SYT6: variants seen among roughly 807,000 people sequenced by gnomAD.
SYT6 encodes the protein synaptotagmin-6.
Under a neutral mutation model 38.4 loss-of-function variants are expected in SYT6, and 24 were observed. That is an observed-to-expected ratio of 0.62 (90% CI 0.45 to 0.88). SYT6 has a LOEUF of 0.88. Among genes scored for constraint, SYT6 ranks in the 40% least tolerant of loss-of-function variants. The pLI is 0.00. For synonymous variants in SYT6, 265 were observed against 241.9 expected (o/e 1.10, Z -0.89); for missense variants, 611 against 621.0 (o/e 0.98, Z 0.17).
chr1:114,104,722 C>G (rs1010783843), intron 3 of SYT6, among the ~76,000 whole-genome samples: 3 of 152,140 alleles, frequency 2.0e-5, no homozygotes, highest in African/African-American at 7.2e-5. Context: ...TATTGAGCAC[C>G]TGTTATGTGC....
intron 5 of SYT6, 108 bp downstream of exon 5, chr1:114,098,986 A>G: frequency 8.6e-7 from 1 of 1,161,032 alleles, no homozygotes; most frequent in Non-Finnish European, 1.2e-6. Context: ...TGAGGCCTGA[A>G]CCCTAAAGCT....
intron 3 of SYT6, among the ~76,000 whole-genome samples, chr1:114,122,312 C>G (rs543901515): frequency 1.3e-5 from 2 of 152,152 alleles, no homozygotes; most frequent in African/African-American, 4.8e-5. Flanking sequence ...AAGGTCTCCT[C>G]GAAATTCTTT....
rs151006142 is a variant in SYT6, at chr1:114,150,567, G to A, written c.163+3043C>T. Among the ~76,000 whole-genome samples the A allele has an allele frequency of 3.8e-4, 58 of 152,302 alleles. 1 individual carries two copies. In the East Asian group the frequency reaches 5.4e-3, roughly 14 times the overall value. ...CAGGGAAGCTTGAGGTCTCCTGTCA[G>A]GTTTCTGCATTTGCTGGAGCACTTC... On this transcript the variant is annotated intron_variant, in intron 1 of 7. Coordinates refer to ENST00000610222, the MANE Select transcript of SYT6 (RefSeq NM_001253772.2).
At chr1:114,145,985 T>G in intron 1 of SYT6, among the ~76,000 whole-genome samples, 1 of 152,230 alleles carries the variant, frequency 6.6e-6, no homozygotes, top group East Asian at 1.9e-4. Context: ...CCCTCAGAGC[T>G]GTGATTAGGG....
Position 114,134,892 on chromosome 1 carries a change from C to T in SYT6, c.1071+2603G>A, listed in dbSNP as rs116414090. Among the ~76,000 whole-genome samples, 529 of 152,282 alleles carry T rather than the reference C, an allele frequency of 3.5e-3. 2 individuals carry two copies. Among genetic ancestry groups the T allele is most frequent in the African/African-American group, 0.012 (506 of 41,548 alleles). On this transcript the variant is annotated intron_variant, in intron 3 of 7. Transcript: ENST00000610222. ...ATATATGCTTAGTGCTCTGTCATTCCTGGTGACTGTGATGACTTGGGTCTC... is the reference window on the plus strand; with the variant it reads ...ATATATGCTTAGTGCTCTGTCATTCTTGGTGACTGTGATGACTTGGGTCTC...
At position 114,137,403 on chromosome 1, in the gene SYT6, A is replaced by C. The variant is rs74112954; in HGVS notation, c.1071+92T>G. 1,820 of 1,443,252 alleles carry C rather than the reference A, an allele frequency of 1.3e-3. 18 individuals carry two copies. The African/African-American group carries it at 0.022, about 18-fold the overall frequency. The allele number at this position is 1,443,252 out of a possible 1,614,324, so 89.4% of individuals were successfully genotyped here. A position where few individuals can be genotyped will look rare whatever the true frequency, so the allele number is the denominator to read the frequency against. ...TTCACATCCCAAATGGCAAAGGCCC[A>C]TTTGTCTCTAGGAAGTGAGGGTTTG... On this transcript the variant is annotated intron_variant, in intron 3 of 7. Transcript: ENST00000610222.
chr1:114,123,602 T>G (rs1557751338), intron 3 of SYT6, among the ~76,000 whole-genome samples: 1 of 152,160 alleles, frequency 6.6e-6, no homozygotes. Flanking sequence ...CCCTGCACAT[T>G]CTCCGTCTTT....
At chr1:114,149,224 T>TGTGTGTGTGTGTGTGTGTGCGCGC (rs1355202594) in intron 1 of SYT6, among the ~76,000 whole-genome samples, 4 of 120,730 alleles carry the variant, frequency 3.3e-5, no homozygotes, top group South Asian at 4.4e-4. Context: ...AGATTGTGTG[T>TGTGTGTGTGTGTGTGTGTGCGCGC]GTGTGTGTGT....
Position 114,094,725 on chromosome 1 carries a change from G to A in SYT6, c.1516-922C>T, listed in dbSNP as rs537473094. 8.4e-4 allele frequency among the ~76,000 whole-genome samples: 128 copies of A among 152,316 alleles called. 3 individuals carry two copies. In the South Asian group the frequency reaches 0.026, roughly 31 times the overall value. ...AAGAAAGGTTCAAGATAAATACAGA[G>A]GGCTTTGCGGATATGATGCCATTTA... On this transcript the variant is annotated intron_variant, in intron 6 of 7. Transcript: ENST00000610222.
chr1:114,092,170 T>C, intron 7 of SYT6, 88 bp from the exon 8 acceptor site: 3 of 1,237,236 alleles, frequency 2.4e-6, no homozygotes. Flanking sequence ...TGCACTGAAT[T>C]CACCTTTCCT....
rs1303604507 is a variant in SYT6, at chr1:114,091,988, T to A, written c.*146A>T. The stretch of plus-strand genomic sequence containing the variant: ...GCAAAGAGAACATTGCTGAGTCCCA[T>A]TTGTGTTATTTGGCTGCACATCTCA... On this transcript the variant is annotated 3_prime_UTR_variant, in exon 8 of 8. Transcript: ENST00000610222. The A allele has an allele frequency of 6.5e-7, 1 of 1,535,578 alleles. No individual in the cohort carries two copies. Among genetic ancestry groups the A allele is most frequent in the South Asian group, 1.2e-5 (1 of 84,030 alleles).
At chr1:114,137,209 G>T (rs1678530661) in intron 3 of SYT6, among the ~76,000 whole-genome samples, 1 of 152,218 alleles carries the variant, frequency 6.6e-6, no homozygotes, top group Non-Finnish European at 1.5e-5. Context: ...AGTTTCTAAT[G>T]CACATCAGTA....
intron 3 of SYT6, among the ~76,000 whole-genome samples, chr1:114,116,283 G>A (rs976606101): frequency 1.3e-5 from 2 of 152,176 alleles, no homozygotes; most frequent in African/African-American, 4.8e-5. Context: ...GAAGGAGGGA[G>A]GGGGAGAAGC....
intron 3 of SYT6, among the ~76,000 whole-genome samples, chr1:114,125,014 C>T (rs556706871): frequency 1.2e-4 from 19 of 152,352 alleles, no homozygotes; most frequent in Admixed American, 6.5e-4. Flanking sequence ...CCCTGCTTAA[C>T]GTGCAGTTGG....
chr1:114,095,489 A>G (rs1675577140), intron 6 of SYT6, among the ~76,000 whole-genome samples: 1 of 152,198 alleles, frequency 6.6e-6, no homozygotes, highest in South Asian at 2.1e-4. Flanking sequence ...GCCTGGTAAC[A>G]GGGATGGGTT....
chr1:114,145,491 G>A (rs1281990815), intron 1 of SYT6, among the ~76,000 whole-genome samples: 1 of 144,110 alleles, frequency 6.9e-6, no homozygotes, highest in Non-Finnish European at 1.5e-5. Context: ...AACATATATT[G>A]GAGGTATTAA....
chr1:114,137,584 T>G lies in SYT6; in HGVS notation c.982A>C (p.Ile328Leu). 6.2e-7 allele frequency: 1 copy of G among 1,614,070 alleles called. No homozygotes were observed. The highest frequency in any genetic ancestry group is 8.5e-7 in the Non-Finnish European group (1 of 1,180,002). The change falls in exon 3 of 8, where the codon ATT becomes CTT. Residue 328 changes from isoleucine (I) to leucine (L), a missense_variant. By Grantham distance (5) the Ile-to-Leu change is conservative (BLOSUM62 2). Transcript: ENST00000610222. ...DFDRFSRHDM[I>L]GEVILDNLFE... is the part of the protein sequence containing the mutation. ...AGGTTGTCCAGGATGACCTCGCCAA[T>G]CATGTCATGGCGGGAGAAGCGGTCA...
chr1:114,152,504 C>G (rs1216628900), intron 1 of SYT6: 1 of 152,274 alleles, frequency 6.6e-6, no homozygotes, highest in Admixed American at 6.5e-5. Context: ...GCCCCTCCCC[C>G]ATGGAGGGGA....
Position 114,115,238 on chromosome 1 carries a change from C to T in SYT6, c.1072-11517G>A, listed in dbSNP as rs528276510. Among the ~76,000 whole-genome samples, 5 of 152,296 alleles carry T rather than the reference C, an allele frequency of 3.3e-5. No homozygotes were observed. The East Asian group carries it at 9.6e-4, about 29-fold the overall frequency. On this transcript the variant is annotated intron_variant, in intron 3 of 7. Transcript: ENST00000610222. ...GCCCCAGGGAAGTCTCAGGAACTGA[C>T]AACCATTGCTTTTGTCTAGTTGGAA...
Sources: allele counts gnomAD v4.1 joint callset (sites outside exome capture counted in the v4.1 genomes callset), GRCh38; gene constraint gnomAD v4.1.1; transcripts MANE v1.5; gene names NCBI Gene and HGNC (gene_info 2026-07-23, HGNC 2026-07-21).